Variants in SORCS3 observed in about 807,000 individuals in gnomAD.
SORCS3 encodes the protein sortilin related VPS10 domain containing receptor 3, also known as VPS10 domain-containing receptor SorCS3.
In SORCS3, 57 loss-of-function variants were observed where a neutral mutation model predicts 146.3. That is an observed-to-expected ratio of 0.39 (90% CI 0.31 to 0.49). The LOEUF (loss-of-function observed/expected upper bound fraction) is 0.49, where lower values mean the gene tolerates loss of function less well. Ranked by LOEUF, SORCS3 falls within the 20% of genes least tolerant of loss-of-function variation. The pLI is 0.92. For missense variants in SORCS3, 1,341 were observed against 1,575.5 expected, an observed-to-expected ratio of 0.85 and a Z score of 2.52; for synonymous variants, 653 against 618.5, an observed-to-expected ratio of 1.06 and a Z score of -0.83.
intron 2 of SORCS3, among the ~76,000 whole-genome samples, chr10:104,873,256 T>G (rs754295622): frequency 1.3e-5 from 2 of 152,242 alleles, no homozygotes; most frequent in Admixed American, 6.5e-5. Context: ...CCATTTTTCC[T>G]CAGTGGGATA....
intron 1 of SORCS3, among the ~76,000 whole-genome samples, chr10:104,725,763 G>A (rs1045403907): frequency 6.6e-6 from 1 of 152,234 alleles, no homozygotes; most frequent in Non-Finnish European, 1.5e-5. Context: ...GTGGGCATAG[G>A]ACCCGCTGAG....
At chr10:105,058,579 G>A (rs186447245) in intron 5 of SORCS3, among the ~76,000 whole-genome samples, 11 of 152,168 alleles carry the variant, frequency 7.2e-5, no homozygotes, top group African/African-American at 2.4e-4. Context: ...AACTCAACAG[G>A]TTAGGGAGAA....
At chr10:104,716,459 G>C (rs1362020223) in intron 1 of SORCS3, among the ~76,000 whole-genome samples, 5 of 152,010 alleles carry the variant, frequency 3.3e-5, no homozygotes, top group Admixed American at 6.6e-5. Context: ...GGAGAGCTGA[G>C]TTTCAAATTC....
intron 9 of SORCS3, among the ~76,000 whole-genome samples, chr10:105,148,588 A>G (rs2056148356): frequency 6.6e-6 from 1 of 152,064 alleles, no homozygotes; most frequent in Non-Finnish European, 1.5e-5. Context: ...CTCATTATCC[A>G]ATATTCACCA....
intron 1 of SORCS3, among the ~76,000 whole-genome samples, chr10:104,737,048 C>A (rs949770204): frequency 2.0e-5 from 3 of 151,922 alleles, no homozygotes; most frequent in African/African-American, 7.3e-5. Flanking sequence ...TTTGTCCTTG[C>A]GATAGTTTAC....
Position 105,263,354 on chromosome 10 carries a change from C to T in SORCS3, c.3649C>T (p.Pro1217Ser), listed in dbSNP as rs756672355. The T allele has an allele frequency of 1.2e-6, 2 of 1,614,056 alleles. No individual in the cohort carries two copies. The highest frequency in any genetic ancestry group is 1.7e-6 in the Non-Finnish European group (2 of 1,179,948). ...IANSESTKEI[P>S]NCTSV ...AAACAGCGAAAGCACAAAGGAGATC[C>T]CCAACTGCACTAGTGTTTAATACCA... The change falls in exon 27 of 27, where the codon CCC becomes TCC. Residue 1217 changes from proline to serine, a missense_variant. Coordinates refer to ENST00000369701, the MANE Select transcript of SORCS3 (RefSeq NM_014978.3).
At chr10:104,788,430 G>A (rs1327621023) in intron 1 of SORCS3, among the ~76,000 whole-genome samples, 1 of 152,122 alleles carries the variant, frequency 6.6e-6, no homozygotes, top group Non-Finnish European at 1.5e-5. Flanking sequence ...AAAAAAATAC[G>A]GTGCAGTATA....
At chr10:105,261,578 C>T (rs1042872421) in intron 25 of SORCS3, among the ~76,000 whole-genome samples, 7 of 152,066 alleles carry the variant, frequency 4.6e-5, no homozygotes, top group Admixed American at 2.0e-4. Flanking sequence ...AGGAGTCTCC[C>T]GAGGCTGGAA....
intron 1 of SORCS3, among the ~76,000 whole-genome samples, chr10:104,839,272 A>C (rs1026321477): frequency 1.3e-5 from 2 of 152,178 alleles, no homozygotes; most frequent in African/African-American, 4.8e-5. Flanking sequence ...GCATGACTCA[A>C]TTTTAAGCAA....
chr10:104,948,123 C>T (rs2019392410), intron 3 of SORCS3, among the ~76,000 whole-genome samples: 1 of 151,942 alleles, frequency 6.6e-6, no homozygotes, highest in African/African-American at 2.4e-5. Context: ...TGCATATTGT[C>T]CACCTCTTCT....
rs565076270 is a variant in SORCS3 at position 104,981,707 on chromosome 10, A to G, written c.954+4214A>G. On this transcript the variant is annotated intron_variant, in intron 4 of 26. Transcript: ENST00000369701. ...ATTCCTCATTTTGACAAGAGACTGC[A>G]GTTTTTAAAAAAATGGGCACATGCT... 3.2e-4 allele frequency among the ~76,000 whole-genome samples: 48 copies of G among 152,356 alleles called. 1 individual carries two copies. In the Middle Eastern group the frequency reaches 0.01, roughly 32 times the overall value.
chr10:104,966,911 A>C (rs58578339), intron 3 of SORCS3, among the ~76,000 whole-genome samples: 23,960 of 151,650 alleles, frequency 0.16, 3,655 homozygotes, highest in African/African-American at 0.41. Flanking sequence ...ATTAAAACCA[A>C]TATTATTCAA....
intron 14 of SORCS3, among the ~76,000 whole-genome samples, chr10:105,187,453 T>C (rs2056485586): frequency 6.6e-6 from 1 of 152,182 alleles, no homozygotes; most frequent in African/African-American, 2.4e-5. Flanking sequence ...AACAATCAGG[T>C]GGCATGGACA....
At chr10:104,646,223 G>C (rs1036859896) in intron 1 of SORCS3, among the ~76,000 whole-genome samples, 1 of 152,198 alleles carries the variant, frequency 6.6e-6, no homozygotes, top group Non-Finnish European at 1.5e-5. Context: ...TTCCTTCTCA[G>C]ATCCTTCAGT....
At chr10:105,015,202 TTGGAGAACAAGC>T (rs1300698666) in intron 4 of SORCS3, among the ~76,000 whole-genome samples, 1 of 151,692 alleles carries the variant, frequency 6.6e-6, no homozygotes, top group Non-Finnish European at 1.5e-5. Context: ...AACAACTACT[TTGGAGAACAAGC>T]TGGCAGTACA....
In SORCS3 at chr10:105,262,500, T is replaced by C. The variant is rs750132686; in HGVS notation, c.3604+9T>C. ...GGACACGCGGGTCATAGGTACATGC[T>C]CCTGCTCCACTAAGCTCCCCTGTTC... On this transcript the variant is annotated intron_variant, in intron 26 of 26. Transcript: ENST00000369701. 3.1e-6 allele frequency: 5 copies of C among 1,611,748 alleles called. No individual in the cohort carries two copies. Among genetic ancestry groups the C allele is most frequent in the Non-Finnish European group, 4.2e-6 (5 of 1,178,796 alleles).
At chr10:104,763,220 C>T (rs141996650) in intron 1 of SORCS3, among the ~76,000 whole-genome samples, 9 of 152,256 alleles carry the variant, frequency 5.9e-5, no homozygotes, top group Middle Eastern at 3.4e-3. Flanking sequence ...GTGATTCTTA[C>T]GCATGCTAGA....
At chr10:105,151,672 C>T (rs1043699028) in intron 9 of SORCS3, among the ~76,000 whole-genome samples, 2 of 152,084 alleles carry the variant, frequency 1.3e-5, no homozygotes, top group Admixed American at 1.3e-4. Context: ...CCTTGCAAGC[C>T]TTGGCACTGA....
intron 1 of SORCS3, among the ~76,000 whole-genome samples, chr10:104,705,455 C>T (rs2016326039): frequency 1.3e-5 from 2 of 152,142 alleles, no homozygotes; most frequent in South Asian, 2.1e-4. Flanking sequence ...TTTTAAGTGA[C>T]TTACCTTTAT....
Sources: allele counts gnomAD v4.1 joint callset (sites outside exome capture counted in the v4.1 genomes callset), GRCh38; gene constraint gnomAD v4.1.1; transcripts MANE v1.5; gene names NCBI Gene and HGNC (gene_info 2026-07-23, HGNC 2026-07-21).